CDH11: variants seen among roughly 807,000 people sequenced by gnomAD.
CDH11 encodes cadherin 11.
In CDH11, 11 loss-of-function variants were observed where a neutral mutation model predicts 67.8. That is an observed-to-expected ratio of 0.16 (90% confidence interval 0.10 to 0.27). The LOEUF is 0.27. CDH11 is among the 10% of genes least tolerant of loss of function. The pLI is 1.00. For missense variants in CDH11, 847 were observed against 1,031.2 expected, an observed-to-expected ratio of 0.82 and a Z score of 2.45; for synonymous variants, 419 against 400.0, an observed-to-expected ratio of 1.05 and a Z score of -0.57.
chr16:64,960,986 T>C (rs573909172), intron 11 of CDH11, among the ~76,000 whole-genome samples: 2 of 152,180 alleles, frequency 1.3e-5, no homozygotes, highest in Non-Finnish European at 2.9e-5. Context: ...AAATTAGTTG[T>C]GCTTTCACAA....
At chr16:64,966,363 C>T (rs1045544289) in intron 11 of CDH11, among the ~76,000 whole-genome samples, 8 of 151,778 alleles carry the variant, frequency 5.3e-5, no homozygotes, top group Admixed American at 1.3e-4. Context: ...ACTTGTAGGG[C>T]ACCTGAAAAA....
rs1345894541 is a variant in CDH11, at chr16:64,972,061, T to C, written c.1394A>G (p.Asn465Ser). ...TGGGACTTTGGCTTCCTGATGCCGA[T>C]TGTCTGGGAAGACAGAATGCAGACA... ...NITVFAAEIHNRHQEAKVPVA... is the reference protein window; with the variant it reads ...NITVFAAEIHSRHQEAKVPVA... Residue 465 changes from asparagine (N) to serine (S), a missense_variant, in exon 10 of 13, where the codon AAT (asparagine) becomes AGT (serine). This residue lies in a region of CDH11 where 612 missense variants were observed against 678.7 expected (regional missense o/e 0.90). Transcript: ENST00000268603. 6.2e-7 allele frequency: 1 copy of C among 1,613,622 alleles called. No homozygotes were observed. The highest frequency in any genetic ancestry group is 1.1e-5 in the South Asian group (1 of 91,052).
intron 8 of CDH11, among the ~76,000 whole-genome samples, chr16:64,980,863 G>A (rs1289321130): frequency 1.3e-5 from 2 of 152,070 alleles, no homozygotes; most frequent in Non-Finnish European, 2.9e-5. Flanking sequence ...AGAAATCCAA[G>A]CAAGAAGGAA....
At chr16:65,102,305 A>G (rs934785384) in intron 1 of CDH11, among the ~76,000 whole-genome samples, 3 of 152,216 alleles carry the variant, frequency 2.0e-5, no homozygotes, top group Non-Finnish European at 2.9e-5. Flanking sequence ...CTTACGGCCA[A>G]TTTGTCTCAT....
intron 1 of CDH11, among the ~76,000 whole-genome samples, chr16:65,103,873 GTTGTA>G (rs1035049238): frequency 2.0e-5 from 3 of 152,008 alleles, no homozygotes; most frequent in East Asian, 1.9e-4. Flanking sequence ...GTTATAATAT[GTTGTA>G]TTGTGTTATA....
At chr16:65,028,524 C>G (rs1301192742) in intron 2 of CDH11, among the ~76,000 whole-genome samples, 1 of 151,956 alleles carries the variant, frequency 6.6e-6, no homozygotes, top group Non-Finnish European at 1.5e-5. Context: ...ATAAGAGATA[C>G]ACACACACAC....
intron 2 of CDH11, among the ~76,000 whole-genome samples, chr16:65,008,271 C>T (rs1459707137): frequency 6.6e-6 from 1 of 152,172 alleles, no homozygotes; most frequent in Non-Finnish European, 1.5e-5. Flanking sequence ...AACATTCAAT[C>T]TGTTAAAAAG....
intron 2 of CDH11, among the ~76,000 whole-genome samples, chr16:65,027,440 T>G (rs2073556637): frequency 6.6e-6 from 1 of 152,184 alleles, no homozygotes. Flanking sequence ...CCAAAGAGAT[T>G]TACCAGCAGG....
At chr16:65,042,302 T>C (rs963637352) in intron 2 of CDH11, among the ~76,000 whole-genome samples, 17 of 152,182 alleles carry the variant, frequency 1.1e-4, no homozygotes, top group African/African-American at 4.1e-4. Context: ...TGATTGCTGC[T>C]GTGAAGAATT....
chr16:65,015,826 A>G (rs2073294685), intron 2 of CDH11, among the ~76,000 whole-genome samples: 4 of 152,234 alleles, frequency 2.6e-5, no homozygotes, highest in Admixed American at 2.6e-4. Context: ...TTAATAACAG[A>G]CAAGGGCTTG....
chr16:64,957,870 T>G (rs1057261224), intron 11 of CDH11, among the ~76,000 whole-genome samples: 1 of 152,204 alleles, frequency 6.6e-6, no homozygotes, highest in African/African-American at 2.4e-5. Flanking sequence ...TGTCAGTCAA[T>G]GTTTACCATC....
chr16:65,000,587 G>A (rs1021433335), intron 3 of CDH11, among the ~76,000 whole-genome samples: 12 of 152,100 alleles, frequency 7.9e-5, no homozygotes, highest in East Asian at 1.9e-4. Context: ...ACTTGAGGTC[G>A]GGGGTTCGAG....
At chr16:65,033,815 G>A (rs1251266941) in intron 2 of CDH11, among the ~76,000 whole-genome samples, 1 of 152,106 alleles carries the variant, frequency 6.6e-6, no homozygotes, top group Non-Finnish European at 1.5e-5. Context: ...AATCCTCCAA[G>A]AGTATGTCAT....
intron 2 of CDH11, among the ~76,000 whole-genome samples, chr16:65,033,463 G>A (rs1242966223): frequency 6.6e-6 from 1 of 152,046 alleles, no homozygotes; most frequent in South Asian, 2.1e-4. Flanking sequence ...ACCAGTGGTC[G>A]GGTGCGGTGG....
chr16:65,008,903 G>T (rs77946189), intron 2 of CDH11, among the ~76,000 whole-genome samples: 5 of 152,052 alleles, frequency 3.3e-5, no homozygotes, highest in Admixed American at 2.6e-4. Flanking sequence ...GGTGTTATCC[G>T]CCTAACATTC....
rs960118928 is a variant in CDH11 at position 65,115,386 on chromosome 16, A to G, written c.-298+6494T>C. Reference sequence around the variant, plus strand: ...TGGGAGAGGCCTCAATCTAAAACAAATGTTCAATGCAAGATTTCTGGCCTT... The same window carrying G: ...TGGGAGAGGCCTCAATCTAAAACAAGTGTTCAATGCAAGATTTCTGGCCTT... On this transcript the variant is annotated intron_variant, in intron 1 of 12. Coordinates refer to ENST00000268603, the MANE Select transcript of CDH11 (RefSeq NM_001797.4). 8.5e-5 allele frequency among the ~76,000 whole-genome samples: 13 copies of G among 152,246 alleles called. No homozygotes were observed. In the East Asian group the frequency reaches 1.2e-3, roughly 14 times the overall value.
At chr16:65,092,192 C>A (rs2074803759) in intron 1 of CDH11, among the ~76,000 whole-genome samples, 1 of 152,138 alleles carries the variant, frequency 6.6e-6, no homozygotes, top group African/African-American at 2.4e-5. Context: ...CCCCTCAAAG[C>A]TGAAAAGTCT....
chr16:65,072,312 C>G (rs190828663), intron 1 of CDH11: 1 of 152,254 alleles, frequency 6.6e-6, no homozygotes, highest in Non-Finnish European at 1.5e-5. Flanking sequence ...GCTAATGAGA[C>G]CCACACAGAC....
chr16:64,964,427 C>T (rs897330868), intron 11 of CDH11, among the ~76,000 whole-genome samples: 11 of 152,112 alleles, frequency 7.2e-5, no homozygotes, highest in African/African-American at 2.4e-4. Context: ...AATGTTATGC[C>T]TGTATAGGGT....
Sources: gnomAD v4.1 joint callset for allele counts (sites outside exome capture counted in the v4.1 genomes callset) on GRCh38, gnomAD v4.1.1 for gene constraint, gnomAD v4.1.1 regional missense constraint, MANE v1.5 for transcripts, NCBI Gene and HGNC (gene_info 2026-07-23, HGNC 2026-07-21) for gene names.